The following NIPAL2 variants were observed in gnomAD, a reference collection of about 807,000 sequenced individuals.
NIPAL2 encodes NIPA like domain containing 2.
NIPAL2 carries 43 observed loss-of-function variants against 48.9 expected under a neutral mutation model. That is an observed-to-expected ratio of 0.88 (90% CI 0.69 to 1.13). The LOEUF (loss-of-function observed/expected upper bound fraction) is 1.13, where lower values mean the gene tolerates loss of function less well. Ranked by LOEUF, NIPAL2 falls within the 50% of genes most tolerant of loss-of-function variation. The pLI is 0.00. For missense variants in NIPAL2, 446 were observed against 461.4 expected, an observed-to-expected ratio of 0.97 and a Z score of 0.31; for synonymous variants, 167 against 174.6, an observed-to-expected ratio of 0.96 and a Z score of 0.34.
intron 1 of NIPAL2, among the ~76,000 whole-genome samples, chr8:98,271,429 T>C (rs1461289183): frequency 6.6e-6 from 1 of 152,144 alleles, no homozygotes; most frequent in Non-Finnish European, 1.5e-5. Context: ...GTTAGATGTA[T>C]TCCTAGGTAT....
intron 1 of NIPAL2, among the ~76,000 whole-genome samples, chr8:98,288,676 A>G (rs1342026062): frequency 1.3e-5 from 2 of 151,336 alleles, no homozygotes; most frequent in African/African-American, 4.9e-5. Flanking sequence ...AAGTGTTCCT[A>G]TTTCTCCACA....
rs773290514 is a variant in NIPAL2 at position 98,194,751 on chromosome 8, T to C, written c.1016A>G (p.Tyr339Cys). Residue 339 changes from tyrosine to cysteine, a missense_variant, in exon 10 of 11, where the codon TAT becomes TGT. Physicochemically the swap from Tyr to Cys is radical, Grantham distance 194. Coordinates refer to ENST00000430223, the MANE Select transcript of NIPAL2 (RefSeq NM_001321635.2). ...NREKEHLQQS[Y>C]IDFGNIPGKQ... ...ACCAGGAATATTTCCAAAATCAATA[T>C]AAGACTGTTGCAGATGTTCCTTTTC... The C allele has an allele frequency of 1.3e-6, 2 of 1,568,990 alleles. No individual in the cohort carries two copies. Among genetic ancestry groups the C allele is most frequent in the South Asian group, 1.2e-5 (1 of 82,214 alleles).
rs1463857092 is a variant in NIPAL2, at chr8:98,193,069, A to T, written c.1061T>A (p.Ile354Lys). Residue 354 changes from isoleucine (I) to lysine (K), a missense_variant, in exon 11 of 11, where the codon ATA becomes AAA. Transcript: ENST00000430223. ...GGATAAGCTATGTGAATCTGGTTGTATTTTGTCCAACATTTGTTTCCCTGT... is the reference window on the plus strand; with the variant it reads ...GGATAAGCTATGTGAATCTGGTTGTTTTTTGTCCAACATTTGTTTCCCTGT... ...NIPGKQMLDK[I>K]QPDSHSLSYG... 1.2e-6 allele frequency: 2 copies of T among 1,613,726 alleles called. No individual in the cohort carries two copies. The highest frequency in any genetic ancestry group is 2.7e-5 in the African/African-American group (2 of 74,926).
Position 98,192,868 on chromosome 8 carries a change from A to C in NIPAL2, c.*110T>G, listed in dbSNP as rs1161610166. On this transcript the variant is annotated 3_prime_UTR_variant, in exon 11 of 11. Coordinates refer to ENST00000430223, the MANE Select transcript of NIPAL2 (RefSeq NM_001321635.2). ...TGAGGTGGGGGAAAGGACTGAAATG[A>C]ATGCTAGCACATGTTAGCTTATAAA... 2.9e-6 allele frequency: 2 copies of C among 699,032 alleles called. No homozygotes were observed. Among genetic ancestry groups the C allele is most frequent in the Non-Finnish European group, 5.1e-6 (2 of 392,066 alleles). The allele number at this position is 699,032 out of a possible 1,614,324, so 43.3% of individuals were successfully genotyped here.
chr8:98,241,894 A>G (rs1812998973), intron 3 of NIPAL2, among the ~76,000 whole-genome samples: 1 of 152,182 alleles, frequency 6.6e-6, no homozygotes, highest in South Asian at 2.1e-4. Flanking sequence ...TACAGATAAA[A>G]AAGCTGAGGC....
At chr8:98,291,064 A>AT (rs1054729949) in intron 1 of NIPAL2, among the ~76,000 whole-genome samples, 26 of 152,192 alleles carry the variant, frequency 1.7e-4, no homozygotes, top group Admixed American at 5.2e-4. Flanking sequence ...CTTAATTTAA[A>AT]TTTTTTTAAA....
At chr8:98,252,818 G>A (rs1017908814) in intron 2 of NIPAL2, among the ~76,000 whole-genome samples, 184 bp from the exon 3 acceptor site, 1 of 151,992 alleles carries the variant, frequency 6.6e-6, no homozygotes, top group African/African-American at 2.4e-5. Flanking sequence ...TTCTAGCAAA[G>A]ATTTGTATAA....
rs375246768 is a variant in NIPAL2 at position 98,246,558 on chromosome 8, A to G, written c.376+5905T>C. Among the ~76,000 whole-genome samples the G allele has an allele frequency of 3.3e-5, 5 of 152,174 alleles. No individual in the cohort carries two copies. The East Asian group carries it at 7.7e-4, about 23-fold the overall frequency. ...TTTAATATAATTTATCCCAAAGTCA[A>G]TCTATTTATTACTCATTTCCATTCA... On this transcript the variant is annotated intron_variant, in intron 3 of 10. Coordinates refer to ENST00000430223, the MANE Select transcript of NIPAL2 (RefSeq NM_001321635.2).
intron 3 of NIPAL2, among the ~76,000 whole-genome samples, chr8:98,242,190 T>G (rs1813015585): frequency 6.6e-6 from 1 of 151,700 alleles, no homozygotes; most frequent in African/African-American, 2.4e-5. Context: ...TTAAAAGTTC[T>G]TTTTTTTGAG....
intron 1 of NIPAL2, among the ~76,000 whole-genome samples, chr8:98,260,320 G>A (rs1364846098): frequency 1.3e-5 from 2 of 152,220 alleles, no homozygotes; most frequent in Non-Finnish European, 2.9e-5. Flanking sequence ...AGCTCCCAGT[G>A]TGAGCGACGC....
At chr8:98,224,561 T>C (rs1419159683) in intron 4 of NIPAL2, among the ~76,000 whole-genome samples, 2 of 152,080 alleles carry the variant, frequency 1.3e-5, no homozygotes, top group African/African-American at 4.8e-5. Flanking sequence ...CTACTTCACA[T>C]CCACGTCTGC....
chr8:98,211,732 AAGT>A, intron 6 of NIPAL2, among the ~76,000 whole-genome samples: 1 of 45,540 alleles, frequency 2.2e-5, no homozygotes, highest in Non-Finnish European at 4.4e-5. Flanking sequence ...GAGAGAGAGA[AAGT>A]GTGTGTGTGT....
chr8:98,215,732 G>C (rs559067673), intron 5 of NIPAL2, among the ~76,000 whole-genome samples: 14 of 152,294 alleles, frequency 9.2e-5, no homozygotes. Flanking sequence ...TTTTGTATTA[G>C]GTTGGTGGGT....
chr8:98,225,668 C>T (rs528735170), intron 4 of NIPAL2, among the ~76,000 whole-genome samples: 22 of 36,344 alleles, frequency 6.1e-4, no homozygotes, highest in African/African-American at 1.5e-3. Context: ...TTAAATGCCT[C>T]GGGGTAGCTT....
At chr8:98,262,064 A>T (rs1814374446) in intron 1 of NIPAL2, among the ~76,000 whole-genome samples, 1 of 138,586 alleles carries the variant, frequency 7.2e-6, no homozygotes, top group East Asian at 2.1e-4. Context: ...AATACTTTAC[A>T]GACAAGCAAA....
intron 7 of NIPAL2, 95 bp from the exon 8 acceptor site, chr8:98,203,291 A>G (rs998661935): frequency 3.4e-6 from 3 of 890,624 alleles, no homozygotes; most frequent in African/African-American, 3.3e-5. Flanking sequence ...TTTAGCTACA[A>G]CTACAAAGGG....
intron 1 of NIPAL2, among the ~76,000 whole-genome samples, chr8:98,284,210 A>G (rs147661173): frequency 4.6e-4 from 70 of 152,182 alleles, no homozygotes; most frequent in African/African-American, 1.5e-3. Context: ...TTTCTCTACC[A>G]TTGTGACTCC....
chr8:98,280,761 T>TATATATATAGAGAGAGAGAGAGAGAG, intron 1 of NIPAL2, among the ~76,000 whole-genome samples: 36 of 30,004 alleles, frequency 1.2e-3, no homozygotes, highest in Non-Finnish European at 1.6e-3. Flanking sequence ...TATATATATA[T>TATATATATAGAGAGAGAGAGAGAGAG]AGAGAGAGAG....
chr8:98,190,853 T>A lies in NIPAL2; in HGVS notation c.*2125A>T, dbSNP rs961972751. On this transcript the variant is annotated 3_prime_UTR_variant, in exon 11 of 11. Transcript: ENST00000430223. ...TGAGCTAACAGTTGGCTAAAGGTCC[T>A]CAACTCACAATGCCAAGAGAAGGAC... 6.6e-6 allele frequency: 1 copy of A among 152,204 alleles called. No individual in the cohort carries two copies. Among genetic ancestry groups the A allele is most frequent in the African/African-American group, 2.4e-5 (1 of 41,454 alleles). The allele number at this position is 152,204 out of a possible 1,614,324, so 9.4% of individuals were successfully genotyped here.
Sources: allele counts gnomAD v4.1 joint callset (sites outside exome capture counted in the v4.1 genomes callset), GRCh38; gene constraint gnomAD v4.1.1; transcripts MANE v1.5; gene names NCBI Gene and HGNC (gene_info 2026-07-23, HGNC 2026-07-21).